The following KCNQ5 variants were observed in gnomAD, a reference collection of about 807,000 sequenced individuals.
The protein encoded by KCNQ5 is potassium voltage-gated channel subfamily KQT member 5.
In KCNQ5, 30 loss-of-function variants were observed where a neutral mutation model predicts 98.2. The ratio of observed to expected loss-of-function variants is 0.31; its 90% CI spans 0.23 to 0.41. The LOEUF is 0.41. KCNQ5 is among the 10% of genes least tolerant of loss of function. The pLI, the probability that KCNQ5 is intolerant of heterozygous loss-of-function variation, is 1.00. For missense variants in KCNQ5, 835 were observed against 1,182.5 expected (o/e 0.71, Z 4.31); for synonymous variants, 458 against 449.4 (o/e 1.02, Z -0.24).
chr6:72,628,058 T>C lies in KCNQ5; in HGVS notation c.398+5471T>C, dbSNP rs151041544. On this transcript the variant is annotated intron_variant, in intron 1 of 13. Coordinates refer to ENST00000370398, the MANE Select transcript of KCNQ5 (RefSeq NM_019842.4). ...TCTCCCACATGACAGCAAGCTTCCA[T>C]ACAGTGAAATTTCTACTTATTTCTA... is the stretch of plus-strand genomic sequence containing the variant. Among the ~76,000 whole-genome samples, 36 of 152,308 alleles carry C rather than the reference T, an allele frequency of 2.4e-4. 2 individuals are homozygous for C. In the East Asian group the frequency reaches 6.9e-3, roughly 29 times the overall value.
chr6:72,981,095 C>T (rs7753405), intron 1 of KCNQ5, among the ~76,000 whole-genome samples: 1 of 151,918 alleles, frequency 6.6e-6, no homozygotes, highest in Non-Finnish European at 1.5e-5. Context: ...ATCGATATTC[C>T]TCGGGATATT....
chr6:72,731,891 A>G (rs929310985), intron 1 of KCNQ5, among the ~76,000 whole-genome samples: 3 of 152,228 alleles, frequency 2.0e-5, no homozygotes, highest in African/African-American at 7.2e-5. Context: ...AAATACCAAG[A>G]AGAAAATAGG....
In KCNQ5 at chr6:73,195,585, G is replaced by A. The variant is rs1692776792; in HGVS notation, c.*171G>A. 1 of 831,258 alleles carries A rather than the reference G, an allele frequency of 1.2e-6. No individual in the cohort carries two copies. Among genetic ancestry groups the A allele is most frequent in the South Asian group, 1.8e-5 (1 of 55,072 alleles). The allele number at this position is 831,258 out of a possible 1,614,324, so 51.5% of individuals were successfully genotyped here. A position where few individuals can be genotyped will look rare whatever the true frequency, so the allele number is the denominator to read the frequency against. ...GCATGAAAATGCATGTTTAGGGATG[G>A]CTAAAATTCCAAGGTGCATCGACAT... is the stretch of plus-strand genomic sequence containing the variant. On this transcript the variant is annotated 3_prime_UTR_variant, in exon 14 of 14. Transcript: ENST00000370398.
intron 1 of KCNQ5, among the ~76,000 whole-genome samples, chr6:72,855,224 C>A (rs139368349): frequency 1.3e-5 from 2 of 151,314 alleles, no homozygotes. Flanking sequence ...ATTTTAAACA[C>A]GATAAATTAA....
intron 1 of KCNQ5, among the ~76,000 whole-genome samples, chr6:72,778,614 AAAAAG>A (rs1582271984): frequency 1.3e-5 from 2 of 152,324 alleles, no homozygotes; most frequent in East Asian, 3.9e-4. Flanking sequence ...CACCACAAAA[AAAAAG>A]GTAACTATGT....
At chr6:73,149,430 T>G (rs1777054486) in intron 10 of KCNQ5, among the ~76,000 whole-genome samples, 1 of 152,178 alleles carries the variant, frequency 6.6e-6, no homozygotes, top group Non-Finnish European at 1.5e-5. Flanking sequence ...AGAAAAAAAG[T>G]AAGAGAAGAT....
At chr6:73,189,532 G>A (rs1230893692) in intron 11 of KCNQ5, among the ~76,000 whole-genome samples, 1 of 152,092 alleles carries the variant, frequency 6.6e-6, no homozygotes, top group African/African-American at 2.4e-5. Flanking sequence ...TTTCCACCAA[G>A]TGACAACAAA....
chr6:72,956,550 TTTTTTTTA>T (rs1409590732), intron 1 of KCNQ5, among the ~76,000 whole-genome samples: 12 of 149,070 alleles, frequency 8.0e-5, no homozygotes, highest in Non-Finnish European at 1.0e-4. Flanking sequence ...CTTTCTTTTA[TTTTTTTTA>T]TTTTTTTATT....
At chr6:73,041,811 A>G in intron 2 of KCNQ5, 125 bp from the exon 3 acceptor site, 2 of 1,036,592 alleles carry the variant, frequency 1.9e-6, no homozygotes, top group South Asian at 1.5e-5. Flanking sequence ...AATGTTCTTA[A>G]CTTTAGATAT....
At chr6:72,821,784 GC>G (rs1775763480) in intron 1 of KCNQ5, among the ~76,000 whole-genome samples, 1 of 151,836 alleles carries the variant, frequency 6.6e-6, no homozygotes, top group South Asian at 2.1e-4. Context: ...ATTTCTTGGG[GC>G]CTGGGTCTGT....
intron 1 of KCNQ5, among the ~76,000 whole-genome samples, chr6:72,874,322 C>T (rs1483601161): frequency 6.6e-6 from 1 of 152,036 alleles, no homozygotes; most frequent in Non-Finnish European, 1.5e-5. Context: ...TGAATTCATT[C>T]ATCTACCTAG....
chr6:73,190,029 A>G (rs1765530015), intron 11 of KCNQ5, among the ~76,000 whole-genome samples: 1 of 151,974 alleles, frequency 6.6e-6, no homozygotes. Context: ...TGTTTAAAAC[A>G]AAAAGAACTT....
At chr6:72,632,180 C>T (rs2098921272) in intron 1 of KCNQ5, among the ~76,000 whole-genome samples, 1 of 149,674 alleles carries the variant, frequency 6.7e-6, no homozygotes. Flanking sequence ...CTCTATTGCC[C>T]AGGCTGGAGT....
chr6:73,198,196 C>T lies in KCNQ5; in HGVS notation c.*2782C>T, dbSNP rs1765866038. ...GCTTTCTGAGTACAAGTGTGTCTGC[C>T]TTCTTCAACATGTAGGGTTGATCAA... On this transcript the variant is annotated 3_prime_UTR_variant, in exon 14 of 14. Coordinates refer to ENST00000370398, the MANE Select transcript of KCNQ5 (RefSeq NM_019842.4). 1 of 152,130 alleles carries T rather than the reference C, an allele frequency of 6.6e-6. No individual in the cohort carries two copies. The highest frequency in any genetic ancestry group is 1.5e-5 in the Non-Finnish European group (1 of 68,024). The allele number at this position is 152,130 out of a possible 1,614,324, so 9.4% of individuals were successfully genotyped here. A position where few individuals can be genotyped will look rare whatever the true frequency, so the allele number is the denominator to read the frequency against.
intron 1 of KCNQ5, among the ~76,000 whole-genome samples, chr6:72,725,158 G>A (rs973728199): frequency 1.5e-4 from 23 of 151,896 alleles, no homozygotes; most frequent in African/African-American, 5.6e-4. Context: ...AGAGAATTTG[G>A]TATCCTTTCA....
intron 1 of KCNQ5, among the ~76,000 whole-genome samples, chr6:72,861,435 C>T (rs542730134): frequency 1.3e-5 from 2 of 152,152 alleles, no homozygotes; most frequent in South Asian, 4.2e-4. Context: ...CTCAGAATCC[C>T]GGGAGCACAT....
At chr6:73,176,084 A>G (rs898638790) in intron 11 of KCNQ5, among the ~76,000 whole-genome samples, 6 of 152,198 alleles carry the variant, frequency 3.9e-5, no homozygotes, top group South Asian at 4.1e-4. Context: ...CATAAGAATG[A>G]GCAGGAATGT....
chr6:72,968,786 A>G (rs1767738712), intron 1 of KCNQ5, among the ~76,000 whole-genome samples: 1 of 152,238 alleles, frequency 6.6e-6, no homozygotes, highest in African/African-American at 2.4e-5. Context: ...AGAGATGTAC[A>G]AATATAATAT....
chr6:72,937,769 ATT>A (rs927082977), intron 1 of KCNQ5, among the ~76,000 whole-genome samples: 1 of 152,020 alleles, frequency 6.6e-6, no homozygotes, highest in Admixed American at 6.6e-5. Flanking sequence ...TTAAAGTAAA[ATT>A]TTTTTTATTT....
Sources: allele counts gnomAD v4.1 joint callset (sites outside exome capture counted in the v4.1 genomes callset), GRCh38; gene constraint gnomAD v4.1.1; transcripts MANE v1.5; gene names NCBI Gene and HGNC (gene_info 2026-07-23, HGNC 2026-07-21).